ALG1: variants seen among roughly 807,000 people sequenced by gnomAD.
The protein encoded by ALG1 is chitobiosyldiphosphodolichol beta-mannosyltransferase.
Under a neutral mutation model 55.1 loss-of-function variants are expected in ALG1, and 58 were observed. That is an observed-to-expected ratio of 1.05 (90% CI 0.85 to 1.31). The LOEUF (loss-of-function observed/expected upper bound fraction) is 1.31, where lower values mean the gene tolerates loss of function less well. Ranked by LOEUF, ALG1 falls within the 50% of genes most tolerant of loss-of-function variation. The probability of loss-of-function intolerance (pLI) is 0.00; values close to 1 mark genes in which losing one functional copy is unlikely to be tolerated. For missense variants in ALG1, 761 were observed against 598.6 expected (o/e 1.27, Z -2.83); for synonymous variants, 309 against 247.0 (o/e 1.25, Z -2.35).
At chr16:5,074,959 G>A (rs1956882249) in intron 3 of ALG1, among the ~76,000 whole-genome samples, 1 of 152,176 alleles carries the variant, frequency 6.6e-6, no homozygotes, top group Non-Finnish European at 1.5e-5. Flanking sequence ...CTGGAGTGCA[G>A]TGGCACAATC....
At chr16:5,078,077 T>G (rs1037617063) in intron 6 of ALG1, 60 bp downstream of exon 6, 14 of 1,565,850 alleles carry the variant, frequency 8.9e-6, no homozygotes, top group African/African-American at 1.3e-5. Flanking sequence ...GCCTCTCCCC[T>G]TCTCACTGCA....
chr16:5,078,709 C>A, intron 6 of ALG1, 48 bp from the exon 7 acceptor site: 5 of 1,611,906 alleles, frequency 3.1e-6, no homozygotes, highest in Non-Finnish European at 4.2e-6. Flanking sequence ...CTCCTGGGTC[C>A]CGGGCCTGCT....
In ALG1 at chr16:5,073,196, G is replaced by T; in HGVS notation, c.330G>T (p.Gln110His). Residue 110 changes from glutamine to histidine, a missense_variant, in exon 3 of 13, where the codon CAG (glutamine) becomes CAT (histidine). Transcript: ENST00000262374. ...AGTACGGAGTCAAAGTTGTACTTCAGGCTATGTACTTGCTGTGGAAGTTGA... is the reference window on the plus strand; with the variant it reads ...AGTACGGAGTCAAAGTTGTACTTCATGCTATGTACTTGCTGTGGAAGTTGA... Reference protein sequence around the residue: ...VFQYGVKVVLQAMYLLWKLMW... With the variant: ...VFQYGVKVVLHAMYLLWKLMW... 1 of 1,614,176 alleles carries T rather than the reference G, an allele frequency of 6.2e-7. No homozygotes were observed. Among genetic ancestry groups the T allele is most frequent in the African/African-American group, 1.3e-5 (1 of 75,036 alleles).
Position 5,085,183 on chromosome 16 carries a change from C to T in ALG1, c.*302C>T, listed in dbSNP as rs1212153386. 2.3e-5 allele frequency: 13 copies of T among 576,088 alleles called. No homozygotes were observed. Among genetic ancestry groups the T allele is most frequent in the Non-Finnish European group, 3.4e-5 (11 of 326,416 alleles). 35.7% of individuals were successfully genotyped at this position (576,088 alleles called of 1,614,324 possible). ...GACCTCTGCAGAACTCCTCATCCTG[C>T]GTTTGGTCTCCAGGTGTCCCCTTTC... is the stretch of plus-strand genomic sequence containing the variant. On this transcript the variant is annotated 3_prime_UTR_variant, in exon 13 of 13. Transcript: ENST00000262374.
At chr16:5,072,398 G>A in intron 1 of ALG1, 1 of 601,438 alleles carries the variant, frequency 1.7e-6, no homozygotes, top group East Asian at 4.0e-5. Context: ...GAGCTGACAG[G>A]ATATTTCATT....
Position 5,079,093 on chromosome 16 carries a change from G to A in ALG1, c.892G>A (p.Ala298Thr). The A allele has an allele frequency of 6.3e-7, 1 of 1,597,526 alleles. No individual in the cohort carries two copies. Among genetic ancestry groups the A allele is most frequent in the Non-Finnish European group, 8.5e-7 (1 of 1,179,626 alleles). Residue 298 changes from alanine (A) to threonine (T), a missense_variant, in exon 8 of 13, where the codon GCT becomes ACT. Transcript: ENST00000262374. Reference protein sequence around the residue: ...EDEDFSILLAALEKFEQLTLD... With the variant: ...EDEDFSILLATLEKFEQLTLD... The stretch of plus-strand genomic sequence containing the variant: ...CGAAGACTTCTCCATCCTGCTGGCA[G>A]CTTTAGAAAGTAGGTGTGTGGCTGC...
At position 5,072,933 on chromosome 16, in the gene ALG1, A is replaced by C. The variant is rs536671036; in HGVS notation, c.209-18A>C. ...TTGCTGCTTCTGGTACATTAAAGGG[A>C]TCATTCTCATTTTTCAGACTCCAAA... On this transcript the variant is annotated intron_variant, in intron 1 of 12. Transcript: ENST00000262374. The C allele has an allele frequency of 1.2e-6, 2 of 1,609,692 alleles. No homozygotes were observed. Among genetic ancestry groups the C allele is most frequent in the African/African-American group, 2.7e-5 (2 of 74,924 alleles).
chr16:5,083,007 G>A (rs866415661), intron 11 of ALG1, among the ~76,000 whole-genome samples: 3 of 152,224 alleles, frequency 2.0e-5, no homozygotes, highest in Non-Finnish European at 2.9e-5. Flanking sequence ...TGCTCCTAGG[G>A]TAGAATTGGT....
Position 5,086,989 on chromosome 16 carries a change from C to T in ALG1, c.*2108C>T, listed in dbSNP as rs1473143584. 1.3e-5 allele frequency: 2 copies of T among 152,164 alleles called. No homozygotes were observed. The highest frequency in any genetic ancestry group is 2.9e-5 in the Non-Finnish European group (2 of 68,032). The allele number at this position is 152,164 out of a possible 1,614,324, so 9.4% of individuals were successfully genotyped here. A position where few individuals can be genotyped will look rare whatever the true frequency, so the allele number is the denominator to read the frequency against. ...AGACACTGTGACCCGGGACGATTTT[C>T]AATCACAGTTTTTTGTTACGAGTGG... On this transcript the variant is annotated 3_prime_UTR_variant, in exon 13 of 13. Transcript: ENST00000262374.
At position 5,080,987 on chromosome 16, in the gene ALG1, C is replaced by T; in HGVS notation, c.1003C>T (p.Gln335Ter). ...LREYYSRLIH[Q>*]KHFQHIQVCT... ...GGAGTATTATAGCCGCCTCATCCAC[C>T]AGAAGCACTTCCAGCACATCCAGGT... The change falls in exon 10 of 13, where the codon CAG (glutamine) becomes TAG (stop). Residue 335 changes from glutamine to a stop codon, truncating the protein, a stop_gained. Transcript: ENST00000262374. LOFTEE classifies it high-confidence loss of function. 1 of 1,596,360 alleles carries T rather than the reference C, an allele frequency of 6.3e-7. No homozygotes were observed. The highest frequency in any genetic ancestry group is 8.5e-7 in the Non-Finnish European group (1 of 1,179,726).
At chr16:5,077,626 G>A (rs914212851) in intron 5 of ALG1, 92 bp downstream of exon 5, 110 of 1,348,804 alleles carry the variant, frequency 8.2e-5, no homozygotes, top group Non-Finnish European at 1.1e-4. Context: ...CCGTCCTGCT[G>A]AGGGGCAATT....
In ALG1 at chr16:5,073,262, T is replaced by G. The variant is rs2142702237; in HGVS notation, c.390+6T>G. ...GTGCCTATATCTTTCTCCAGGTGTG[T>G]ATCAGCCTCTGCCTCCCTCTGTGAG... is the stretch of plus-strand genomic sequence containing the variant. On this transcript the variant is annotated splice_donor_region_variant and intron_variant, in intron 3 of 12. Transcript: ENST00000262374. 6.2e-7 allele frequency: 1 copy of G among 1,613,148 alleles called. No homozygotes were observed. The highest frequency in any genetic ancestry group is 2.2e-5 in the East Asian group (1 of 44,878).
At chr16:5,081,108 G>T (rs565376399) in intron 10 of ALG1, 52 bp downstream of exon 10, 1 of 1,404,216 alleles carries the variant, frequency 7.1e-7, no homozygotes. Flanking sequence ...CAGGGTGGGC[G>T]GGATGTACTT....
At chr16:5,083,597 G>A in intron 11 of ALG1, 85 bp from the exon 12 acceptor site, 2 of 1,594,710 alleles carry the variant, frequency 1.3e-6, no homozygotes, top group Non-Finnish European at 1.7e-6. Flanking sequence ...TTGAGCATGG[G>A]GTGTGTGGGG....
rs751399512 is a variant in ALG1 at position 5,080,911 on chromosome 16, T to C, written c.962-35T>C. 39 of 1,593,050 alleles carry C rather than the reference T, an allele frequency of 2.4e-5. No homozygotes were observed. In the South Asian group the frequency reaches 3.4e-4, roughly 14 times the overall value. ...TGGGGCCACGTGGCAGGGACAGAGA[T>C]GGGTCCATGGCAGTGTCTGCTCTTC... On this transcript the variant is annotated intron_variant, in intron 9 of 12. Transcript: ENST00000262374.
At chr16:5,075,109 T>G (rs539635466) in intron 3 of ALG1, among the ~76,000 whole-genome samples, 1 of 152,194 alleles carries the variant, frequency 6.6e-6, no homozygotes, top group East Asian at 1.9e-4. Flanking sequence ...TCACTGTGTT[T>G]CCTAGGCCGG....
rs777417788 is a variant in ALG1 at position 5,084,829 on chromosome 16, G to A, written c.1343G>A (p.Arg448Gln). ...AACCTGCGGGAGTCGCAGCAGCTCC[G>A]ATGGGATGAGAGCTGGGTGCAGACT... is the stretch of plus-strand genomic sequence containing the variant. ...RKNLRESQQL[R>Q]WDESWVQTVL... The change falls in exon 13 of 13, where the codon CGA (arginine) becomes CAA (glutamine). Residue 448 changes from arginine (R) to glutamine (Q), a missense_variant. Arg to Gln is a conservative substitution (Grantham distance 43). Transcript: ENST00000262374. 17 of 1,596,344 alleles carry A rather than the reference G, an allele frequency of 1.1e-5. No homozygotes were observed. The highest frequency in any genetic ancestry group is 1.7e-5 in the Admixed American group (1 of 59,992).
In ALG1 at chr16:5,087,209, T is replaced by G. The variant is rs1957210740; in HGVS notation, c.*2328T>G. ...ATACACTAACACTAGCAATACCTGA[T>G]GAGCTAAAAGAAAAAAAATCACAAA... On this transcript the variant is annotated 3_prime_UTR_variant, in exon 13 of 13. Transcript: ENST00000262374. The G allele has an allele frequency of 6.6e-6, 1 of 152,170 alleles. No individual in the cohort carries two copies. The highest frequency in any genetic ancestry group is 2.4e-5 in the African/African-American group (1 of 41,422). The allele number at this position is 152,170 out of a possible 1,614,324, so 9.4% of individuals were successfully genotyped here.
Position 5,085,578 on chromosome 16 carries a change from C to G in ALG1, c.*697C>G. 7.9e-7 allele frequency: 1 copy of G among 1,262,610 alleles called. No individual in the cohort carries two copies. Among genetic ancestry groups the G allele is most frequent in the Non-Finnish European group, 1.2e-6 (1 of 861,394 alleles). 78.2% of individuals were successfully genotyped at this position (1,262,610 alleles called of 1,614,324 possible). On this transcript the variant is annotated 3_prime_UTR_variant, in exon 13 of 13. Transcript: ENST00000262374. ...TTATCCGCTTTCCCATATAAAAATT[C>G]TTCCCATGAGAGTGACTTGATTCTC... is the stretch of plus-strand genomic sequence containing the variant.
Sources: allele counts gnomAD v4.1 joint callset (sites outside exome capture counted in the v4.1 genomes callset), GRCh38; gene constraint gnomAD v4.1.1; transcripts MANE v1.5; gene names NCBI Gene and HGNC (gene_info 2026-07-23, HGNC 2026-07-21).